The following RPF1 variants were observed in gnomAD, a reference collection of about 807,000 sequenced individuals.
The protein encoded by RPF1 is ribosome production factor 1.
Under a neutral mutation model 41.9 loss-of-function variants are expected in RPF1, and 34 were observed. That is an observed-to-expected ratio of 0.81 (90% CI 0.62 to 1.08). The LOEUF (loss-of-function observed/expected upper bound fraction) is 1.08, where lower values mean the gene tolerates loss of function less well. Ranked by LOEUF, RPF1 falls within the 50% of genes least tolerant of loss-of-function variation. The probability of loss-of-function intolerance (pLI) is 0.00; values close to 1 mark genes in which losing one functional copy is unlikely to be tolerated. For missense variants in RPF1, 425 were observed against 435.2 expected (o/e 0.98, Z 0.21); for synonymous variants, 140 against 148.9 (o/e 0.94, Z 0.43).
chr1:84,481,657 T>A (rs943907895), intron 2 of RPF1, among the ~76,000 whole-genome samples: 1 of 152,216 alleles, frequency 6.6e-6, no homozygotes, highest in African/African-American at 2.4e-5. Flanking sequence ...GTGGTACTCA[T>A]AAGAAGTGAA....
Position 84,495,486 on chromosome 1 carries a change from T to C in RPF1, c.699+31T>C, listed in dbSNP as rs766198287. On this transcript the variant is annotated intron_variant, in intron 6 of 8. Coordinates refer to ENST00000370654, the MANE Select transcript of RPF1 (RefSeq NM_025065.7). Reference sequence around the variant, plus strand: ...TTTTATACATTTCTTTGATTGGCATTGATCTCTTCACAATATTTATTTGAT... The same window carrying C: ...TTTTATACATTTCTTTGATTGGCATCGATCTCTTCACAATATTTATTTGAT... The C allele has an allele frequency of 6.7e-6, 6 of 901,200 alleles. No individual in the cohort carries two copies. In the Admixed American group the frequency reaches 1.4e-4, roughly 21 times the overall value. 55.8% of individuals were successfully genotyped at this position (901,200 alleles called of 1,614,324 possible).
intron 8 of RPF1, 90 bp downstream of exon 8, chr1:84,496,460 G>A: frequency 8.7e-7 from 1 of 1,155,862 alleles, no homozygotes; most frequent in Non-Finnish European, 1.2e-6. Context: ...ATAGCTAATG[G>A]ATGCTGGGCT....
intron 3 of RPF1, among the ~76,000 whole-genome samples, chr1:84,485,251 G>A (rs1176880487): frequency 6.6e-6 from 1 of 151,888 alleles, no homozygotes; most frequent in African/African-American, 2.4e-5. Flanking sequence ...GGCTCACACT[G>A]CCACACCCAG....
chr1:84,479,275 C>T lies in RPF1; in HGVS notation c.-7C>T, dbSNP rs754942232. 4 of 1,591,672 alleles carry T rather than the reference C, an allele frequency of 2.5e-6. No individual in the cohort carries two copies. Among genetic ancestry groups the T allele is most frequent in the South Asian group, 1.1e-5 (1 of 88,380 alleles). On this transcript the variant is annotated 5_prime_UTR_variant, in exon 1 of 9. Coordinates refer to ENST00000370654, the MANE Select transcript of RPF1 (RefSeq NM_025065.7). ...CGTTTCCGTACGGAAGCAAAGGAGC[C>T]AAGACCATGGCGAAAGCCGGGGATA...
intron 3 of RPF1, among the ~76,000 whole-genome samples, chr1:84,489,364 A>C (rs1035223216): frequency 2.0e-4 from 31 of 152,052 alleles, no homozygotes; most frequent in African/African-American, 7.5e-4. Context: ...GAGGGAAATG[A>C]AAGTAGTTCA....
At position 84,486,587 on chromosome 1, in the gene RPF1, C is replaced by CAAAAA. The variant is rs896267195; in HGVS notation, c.367-3028_367-3024dup. ...TGGGCGACAGAGCGAGACTCCGTCT[C>CAAAAA]AAAAAAAAAAAAAAAAAAAAAAGAA... On this transcript the variant is annotated intron_variant, in intron 3 of 8. Coordinates refer to ENST00000370654, the MANE Select transcript of RPF1 (RefSeq NM_025065.7). Among the ~76,000 whole-genome samples, 57 of 63,904 alleles carry CAAAAA rather than the reference C, an allele frequency of 8.9e-4. 1 individual carries two copies. The highest frequency in any genetic ancestry group is 1.4e-3 in the African/African-American group (24 of 17,660). 41.9% of individuals were successfully genotyped at this position (63,904 alleles called of 152,430 possible). A position where few individuals can be genotyped will look rare whatever the true frequency, so the allele number is the denominator to read the frequency against.
chr1:84,490,595 T>C, intron 5 of RPF1, 123 bp downstream of exon 5: 2 of 698,950 alleles, frequency 2.9e-6, no homozygotes, highest in South Asian at 2.6e-5. Context: ...ATCAGAAAAT[T>C]GTATCTCTTT....
At chr1:84,486,907 G>A (rs937549439) in intron 3 of RPF1, among the ~76,000 whole-genome samples, 17 of 152,152 alleles carry the variant, frequency 1.1e-4, no homozygotes, top group African/African-American at 4.1e-4. Context: ...TAAGGTTTTA[G>A]ACTGAGCAAA....
Position 84,479,368 on chromosome 1 carries a change from A to G in RPF1, c.87A>G (p.Ala29=). 1 of 1,614,054 alleles carries G rather than the reference A, an allele frequency of 6.2e-7. No individual in the cohort carries two copies. ...KAAAEELQEA[A]GAGDGATENG... Reference sequence around the variant, plus strand: ...CTGCCGAAGAACTTCAGGAGGCTGCAGGCGCTGGGGATGGGGCGACGGAAA... The same window carrying G: ...CTGCCGAAGAACTTCAGGAGGCTGCGGGCGCTGGGGATGGGGCGACGGAAA... Residue 29 remains alanine, a synonymous_variant, in exon 1 of 9, where the codon GCA becomes GCG. Coordinates refer to ENST00000370654, the MANE Select transcript of RPF1 (RefSeq NM_025065.7).
At chr1:84,483,748 T>C (rs1681691796) in intron 3 of RPF1, among the ~76,000 whole-genome samples, 1 of 152,250 alleles carries the variant, frequency 6.6e-6, no homozygotes, top group African/African-American at 2.4e-5. Context: ...AGAAGCAAGA[T>C]TTTAAAACTA....
At chr1:84,485,507 A>G (rs973224819) in intron 3 of RPF1, among the ~76,000 whole-genome samples, 1 of 152,166 alleles carries the variant, frequency 6.6e-6, no homozygotes, top group African/African-American at 2.4e-5. Flanking sequence ...TTGTGGCGCC[A>G]TGTTGGTGCT....
In RPF1 at chr1:84,495,458, A is replaced by T. The variant is rs1681917320; in HGVS notation, c.699+3A>T. On this transcript the variant is annotated splice_donor_region_variant and intron_variant, in intron 6 of 8. Coordinates refer to ENST00000370654, the MANE Select transcript of RPF1 (RefSeq NM_025065.7). ...TTCGTCTTCGTAAAGAAATTAAGGT[A>T]AGTTTTATACATTTCTTTGATTGGC... is the stretch of plus-strand genomic sequence containing the variant. 6.2e-6 allele frequency: 8 copies of T among 1,289,600 alleles called. No individual in the cohort carries two copies. Among genetic ancestry groups the T allele is most frequent in the Non-Finnish European group, 8.8e-6 (8 of 904,574 alleles). 79.9% of individuals were successfully genotyped at this position (1,289,600 alleles called of 1,614,324 possible). A position where few individuals can be genotyped will look rare whatever the true frequency, so the allele number is the denominator to read the frequency against.
At chr1:84,482,233 C>G (rs138456849) in intron 2 of RPF1, among the ~76,000 whole-genome samples, 11 of 152,266 alleles carry the variant, frequency 7.2e-5, no homozygotes, top group African/African-American at 2.6e-4. Context: ...TGTACTCTTA[C>G]AATTCTGTGT....
At chr1:84,489,449 A>G (rs957096943) in intron 3 of RPF1, among the ~76,000 whole-genome samples, 184 bp from the exon 4 acceptor site, 5 of 152,164 alleles carry the variant, frequency 3.3e-5, no homozygotes, top group African/African-American at 9.7e-5. Context: ...TGTATTTTAC[A>G]CAGGAGAAAT....
rs868561765 is a variant in RPF1 at position 84,487,214 on chromosome 1, T to C, written c.367-2419T>C. 2.6e-5 allele frequency among the ~76,000 whole-genome samples: 4 copies of C among 152,324 alleles called. 1 individual carries two copies. The South Asian group carries it at 8.3e-4, about 32-fold the overall frequency. On this transcript the variant is annotated intron_variant, in intron 3 of 8. Coordinates refer to ENST00000370654, the MANE Select transcript of RPF1 (RefSeq NM_025065.7). ...GTGTAAATGTTTAACTTTACATAAT[T>C]GTACCAAAATATTTTTCAAAGTAGT... is the stretch of plus-strand genomic sequence containing the variant.
rs780641211 is a variant in RPF1, at chr1:84,489,741, A to T, written c.462+13A>T. ...TAGACCTCATGGGGTAAACACATTG[A>T]TTAATTTAGTTCTTGAATTCTTAAT... On this transcript the variant is annotated intron_variant, in intron 4 of 8. Coordinates refer to ENST00000370654, the MANE Select transcript of RPF1 (RefSeq NM_025065.7). 1.4e-6 allele frequency: 2 copies of T among 1,387,490 alleles called. No homozygotes were observed. Among genetic ancestry groups the T allele is most frequent in the African/African-American group, 2.8e-5 (2 of 70,456 alleles). 85.9% of individuals were successfully genotyped at this position (1,387,490 alleles called of 1,614,324 possible).
At chr1:84,483,248 G>T in intron 3 of RPF1, 1 of 446,414 alleles carries the variant, frequency 2.2e-6, no homozygotes. Flanking sequence ...ATGGTATTTT[G>T]GAGGGTTTTG....
At chr1:84,492,158 CA>C (rs11337622) in intron 5 of RPF1, among the ~76,000 whole-genome samples, 42,064 of 143,838 alleles carry the variant, frequency 0.29, 5,842 homozygotes, top group South Asian at 0.39. Flanking sequence ...AAGACTCTGT[CA>C]AAAAAAAAAA....
intron 3 of RPF1, among the ~76,000 whole-genome samples, chr1:84,486,197 A>G (rs1387021104): frequency 6.6e-6 from 1 of 152,150 alleles, no homozygotes; most frequent in Non-Finnish European, 1.5e-5. Flanking sequence ...GGAAAGTATG[A>G]TGAAGAAGAA....
Sources: allele counts gnomAD v4.1 joint callset (sites outside exome capture counted in the v4.1 genomes callset), GRCh38; gene constraint gnomAD v4.1.1; transcripts MANE v1.5; gene names NCBI Gene and HGNC (gene_info 2026-07-23, HGNC 2026-07-21).